The following TFCP2 variants were observed in gnomAD, a reference collection of about 807,000 sequenced individuals.
The protein encoded by TFCP2 is alpha-globin transcription factor CP2.
TFCP2 carries 33 observed loss-of-function variants against 73.4 expected under a neutral mutation model. The observed-to-expected ratio is 0.45, with a 90% confidence interval of 0.34 to 0.60. The LOEUF (loss-of-function observed/expected upper bound fraction) is 0.60, where lower values mean the gene tolerates loss of function less well. Ranked by LOEUF, TFCP2 falls within the 20% of genes least tolerant of loss-of-function variation. TFCP2 has a pLI of 0.01. For synonymous variants in TFCP2, 193 were observed against 211.6 expected, an observed-to-expected ratio of 0.91 and a Z score of 0.76; for missense variants, 352 against 604.0, an observed-to-expected ratio of 0.58 and a Z score of 4.37.
At chr12:51,154,633 G>A (rs1308681464) in intron 1 of TFCP2, among the ~76,000 whole-genome samples, 2 of 152,200 alleles carry the variant, frequency 1.3e-5, no homozygotes, top group Admixed American at 1.3e-4. Context: ...GGTGGAGGTT[G>A]CAGTGAGCTA....
intron 1 of TFCP2, among the ~76,000 whole-genome samples, chr12:51,142,063 C>T (rs1324196794): frequency 9.2e-5 from 14 of 151,532 alleles, no homozygotes; most frequent in East Asian, 5.8e-4. Flanking sequence ...ATTAGCCAGG[C>T]GTGGTGGTGC....
intron 4 of TFCP2, 124 bp from the exon 5 acceptor site, chr12:51,111,107 C>CT: frequency 3.4e-6 from 2 of 588,372 alleles, no homozygotes; most frequent in South Asian, 1.9e-5. Flanking sequence ...TCCTAAATTT[C>CT]TTTGTTTTTT....
At chr12:51,155,320 T>C (rs1941515055) in intron 1 of TFCP2, among the ~76,000 whole-genome samples, 1 of 152,246 alleles carries the variant, frequency 6.6e-6, no homozygotes, top group Non-Finnish European at 1.5e-5. Context: ...ACAGCCTTCT[T>C]AGTTTCCATA....
At chr12:51,118,851 A>T in intron 1 of TFCP2, 79 bp from the exon 2 acceptor site, 1 of 1,468,616 alleles carries the variant, frequency 6.8e-7, no homozygotes. Flanking sequence ...TTTAACTGCA[A>T]TGCTTTGGAA....
chr12:51,144,001 T>C (rs1221747303), intron 1 of TFCP2, among the ~76,000 whole-genome samples: 6 of 152,162 alleles, frequency 3.9e-5, no homozygotes, highest in East Asian at 1.9e-4. Flanking sequence ...CCAATAAATA[T>C]TGCAATAGAT....
chr12:51,167,346 T>G (rs1941775742), intron 1 of TFCP2, among the ~76,000 whole-genome samples: 1 of 152,058 alleles, frequency 6.6e-6, no homozygotes, highest in African/African-American at 2.4e-5. Flanking sequence ...ACAAATTGCT[T>G]GTCAAAGAGA....
intron 1 of TFCP2, among the ~76,000 whole-genome samples, chr12:51,158,720 C>T (rs539930203): frequency 4.0e-5 from 6 of 151,474 alleles, no homozygotes; most frequent in African/African-American, 1.2e-4. Context: ...AACTCCTGAC[C>T]TCAAGTGATC....
chr12:51,103,224 A>G (rs900039878), intron 10 of TFCP2, among the ~76,000 whole-genome samples: 1 of 152,110 alleles, frequency 6.6e-6, no homozygotes, highest in African/African-American at 2.4e-5. Flanking sequence ...CGGAGGGTGC[A>G]GTGAGCCGAG....
chr12:51,100,976 T>G (rs1387436887), intron 11 of TFCP2, among the ~76,000 whole-genome samples: 4 of 152,148 alleles, frequency 2.6e-5, no homozygotes, highest in Non-Finnish European at 5.9e-5. Context: ...GACCACAAAT[T>G]ACTATGTATT....
intron 11 of TFCP2, 55 bp downstream of exon 11, chr12:51,101,880 A>C: frequency 2.6e-6 from 3 of 1,155,256 alleles, no homozygotes. Flanking sequence ...GAATTCCTGA[A>C]TCCAAATCCA....
At chr12:51,107,821 G>C (rs1198564050) in intron 6 of TFCP2, among the ~76,000 whole-genome samples, 1 of 151,844 alleles carries the variant, frequency 6.6e-6, no homozygotes, top group African/African-American at 2.4e-5. Context: ...GGTCAGGCTG[G>C]TCTTAAACTC....
At chr12:51,112,090 C>T (rs145746854) in intron 4 of TFCP2, among the ~76,000 whole-genome samples, 129 of 151,090 alleles carry the variant, frequency 8.5e-4, no homozygotes, top group African/African-American at 2.6e-3. Context: ...ACCAGGGAGG[C>T]GGAGGTTGCA....
chr12:51,145,556 T>A (rs1221702524), intron 1 of TFCP2, among the ~76,000 whole-genome samples: 2 of 76,526 alleles, frequency 2.6e-5, no homozygotes, highest in African/African-American at 5.8e-5. Context: ...GGTGATGGAG[T>A]AAGACTATCT....
At position 51,117,598 on chromosome 12, in the gene TFCP2, A is replaced by T. The variant is rs1940561914; in HGVS notation, c.351+73T>A. ...CATTGGAAGCAAAAGAACATTAACA[A>T]CAACAACAAAATTTAAAATCCCAAA... On this transcript the variant is annotated intron_variant, in intron 3 of 14. Transcript: ENST00000257915. The T allele has an allele frequency of 4.0e-6, 5 of 1,247,202 alleles. No homozygotes were observed. In the African/African-American group the frequency reaches 4.5e-5, roughly 11 times the overall value. The allele number at this position is 1,247,202 out of a possible 1,614,324, so 77.3% of individuals were successfully genotyped here.
At chr12:51,137,308 C>T (rs1003135767) in intron 1 of TFCP2, among the ~76,000 whole-genome samples, 1 of 152,240 alleles carries the variant, frequency 6.6e-6, no homozygotes, top group South Asian at 2.1e-4. Context: ...TTATTTATAC[C>T]TACCAGAAAT....
At chr12:51,136,895 ACAC>A (rs1237993832) in intron 1 of TFCP2, among the ~76,000 whole-genome samples, 1 of 152,174 alleles carries the variant, frequency 6.6e-6, no homozygotes, top group Non-Finnish European at 1.5e-5. Context: ...CAGTGAGCTG[ACAC>A]TATGCCACTG....
chr12:51,172,284 G>C lies in TFCP2; in HGVS notation c.122+17C>G. On this transcript the variant is annotated intron_variant, in intron 1 of 14. Coordinates refer to ENST00000257915, the MANE Select transcript of TFCP2 (RefSeq NM_005653.5). ...TTGTTATTCAGAAGGTGTAGGGTCT[G>C]GGAAAATCTCACTCACCTCATGCTA... 4 of 1,613,770 alleles carry C rather than the reference G, an allele frequency of 2.5e-6. No individual in the cohort carries two copies. The highest frequency in any genetic ancestry group is 3.4e-6 in the Non-Finnish European group (4 of 1,179,848).
chr12:51,096,011 AC>A lies in TFCP2; in HGVS notation c.1448del (p.Cys483PhefsTer7), dbSNP rs764345919. Reference protein sequence around the residue: ...EMIQNFQEEACFILDTMKAET... With the variant: ...EMIQNFQEEAXFILDTMKAET... ...TACCTTTCATTGTGTCCAGAATAAA[AC>A]ATGCTTCTTCCTGAAAGTTCTGTAT... On this transcript the variant is annotated frameshift_variant, in exon 14 of 15. Transcript: ENST00000257915. LOFTEE classifies it high-confidence loss of function. 3 of 1,613,392 alleles carry A rather than the reference AC, an allele frequency of 1.9e-6. No individual in the cohort carries two copies. The highest frequency in any genetic ancestry group is 2.5e-6 in the Non-Finnish European group (3 of 1,179,758).
At chr12:51,153,519 T>C (rs12815367) in intron 1 of TFCP2, among the ~76,000 whole-genome samples, 38,467 of 151,828 alleles carry the variant, frequency 0.25, 5,146 homozygotes, top group South Asian at 0.36. Flanking sequence ...TCAGAACTTT[T>C]CATCATCCCA....
Sources: allele counts gnomAD v4.1 joint callset (sites outside exome capture counted in the v4.1 genomes callset), GRCh38; gene constraint gnomAD v4.1.1; transcripts MANE v1.5; gene names NCBI Gene and HGNC (gene_info 2026-07-23, HGNC 2026-07-21).